LARS2: variants seen among roughly 807,000 people sequenced by gnomAD.
The protein encoded by LARS2 is leucine--tRNA ligase, mitochondrial.
LARS2 carries 81 observed loss-of-function variants against 116.6 expected under a neutral mutation model. The ratio of observed to expected loss-of-function variants is 0.69; its 90% CI spans 0.58 to 0.84. The LOEUF is 0.84. LARS2 is among the 40% of genes least tolerant of loss of function. LARS2 has a pLI of 0.00. For synonymous variants in LARS2, 396 were observed against 407.2 expected (o/e 0.97, Z 0.33); for missense variants, 968 against 1,114.5 (o/e 0.87, Z 1.87).
At chr3:45,428,096 C>T (rs865874705) in intron 6 of LARS2, among the ~76,000 whole-genome samples, 3 of 152,014 alleles carry the variant, frequency 2.0e-5, no homozygotes, top group Non-Finnish European at 2.9e-5. Context: ...GCTGGGATTA[C>T]AGGCGTGAGC....
At chr3:45,439,592 C>T (rs573631354) in intron 6 of LARS2, among the ~76,000 whole-genome samples, 2 of 150,420 alleles carry the variant, frequency 1.3e-5, no homozygotes, top group South Asian at 2.1e-4. Flanking sequence ...TCTGTTGCCA[C>T]GAAGGTGGGT....
chr3:45,394,038 C>G (rs1218293282), intron 2 of LARS2, among the ~76,000 whole-genome samples: 1 of 152,200 alleles, frequency 6.6e-6, no homozygotes, highest in Non-Finnish European at 1.5e-5. Context: ...CTAACGCCAA[C>G]TCAGCATGTG....
intron 7 of LARS2, among the ~76,000 whole-genome samples, chr3:45,447,572 A>C (rs932189018): frequency 6.6e-6 from 1 of 152,136 alleles, no homozygotes; most frequent in Admixed American, 6.5e-5. Context: ...TTGCTGTTCT[A>C]CTTACTGCCA....
At chr3:45,441,349 G>T (rs1698907164) in intron 6 of LARS2, among the ~76,000 whole-genome samples, 1 of 152,146 alleles carries the variant, frequency 6.6e-6, no homozygotes, top group Non-Finnish European at 1.5e-5. Flanking sequence ...TAAAGCCAAG[G>T]GGTGTACTTG....
rs139111439 is a variant in LARS2, at chr3:45,516,221, G to T, written c.1989G>T (p.Arg663=). 9.2e-4 allele frequency: 1,488 copies of T among 1,614,162 alleles called. 2 individuals are homozygous for T. Among genetic ancestry groups the T allele is most frequent in the Non-Finnish European group, 1.2e-3 (1,404 of 1,180,002 alleles). The change falls in exon 17 of 22, where the codon CGG becomes CGT. Residue 663 remains arginine (R), a synonymous_variant. Coordinates refer to ENST00000645846, the MANE Select transcript of LARS2 (RefSeq NM_015340.4). The stretch of plus-strand genomic sequence containing the variant: ...AGCAGTATGGGATCGACACGATTCG[G>T]CTCTACATCCTTTTTGCTGCCCCTC... ...VVEQYGIDTI[R]LYILFAAPPE... is the part of the protein sequence containing the mutation.
At chr3:45,410,428 T>C (rs1010361822) in intron 4 of LARS2, among the ~76,000 whole-genome samples, 1 of 151,720 alleles carries the variant, frequency 6.6e-6, no homozygotes, top group Non-Finnish European at 1.5e-5. Context: ...CAAGTGAAAA[T>C]TGTAGCCTAA....
chr3:45,417,132 A>G (rs1017994401), intron 4 of LARS2, among the ~76,000 whole-genome samples: 2 of 151,688 alleles, frequency 1.3e-5, no homozygotes, highest in Non-Finnish European at 2.9e-5. Flanking sequence ...AAGCCTATAC[A>G]TTATGTGTGT....
intron 17 of LARS2, among the ~76,000 whole-genome samples, chr3:45,516,633 A>T (rs1477379610): frequency 6.6e-6 from 1 of 152,126 alleles, no homozygotes; most frequent in African/African-American, 2.4e-5. Context: ...GTTTCCTTGG[A>T]GACAGACTGG....
chr3:45,417,489 A>G lies in LARS2; in HGVS notation c.371A>G (p.Asn124Ser), dbSNP rs776171893. Reference sequence around the variant, plus strand: ...TCCTCTTCTGGGTCCTAGGTCATCAACCCCATGGGATGGGATGCTTTTGGA... The same window carrying G: ...TCCTCTTCTGGGTCCTAGGTCATCAGCCCCATGGGATGGGATGCTTTTGGA... Reference protein sequence around the residue: ...FQKMRGMQVINPMGWDAFGLP... With the variant: ...FQKMRGMQVISPMGWDAFGLP... Residue 124 changes from asparagine (N) to serine (S), a missense_variant, in exon 5 of 22, where the codon AAC becomes AGC. Asn to Ser is a conservative substitution (Grantham distance 46). Transcript: ENST00000645846. The G allele has an allele frequency of 2.5e-6, 4 of 1,613,810 alleles. No individual in the cohort carries two copies. The highest frequency in any genetic ancestry group is 2.5e-6 in the Non-Finnish European group (3 of 1,179,706).
rs115259182 is a variant in LARS2 at position 45,460,795 on chromosome 3, C to T, written c.750+1909C>T. On this transcript the variant is annotated intron_variant, in intron 8 of 21. Coordinates refer to ENST00000645846, the MANE Select transcript of LARS2 (RefSeq NM_015340.4). ...TCAGCCAAGGGTATATAGTTGAGAC[C>T]CCCAAAAAGGCCATGTATTAGAGTA... Among the ~76,000 whole-genome samples the T allele has an allele frequency of 8.8e-3, 1,343 of 152,048 alleles. 16 individuals are homozygous for T. Among genetic ancestry groups the T allele is most frequent in the African/African-American group, 0.022 (927 of 41,438 alleles).
intron 6 of LARS2, among the ~76,000 whole-genome samples, chr3:45,442,381 A>C (rs897740207): frequency 2.0e-5 from 3 of 152,168 alleles, no homozygotes; most frequent in Admixed American, 6.5e-5. Flanking sequence ...TAGTTGTTCA[A>C]CAACTATTTT....
intron 3 of LARS2, among the ~76,000 whole-genome samples, chr3:45,396,915 A>T (rs1480859082): frequency 1.3e-5 from 2 of 152,248 alleles, no homozygotes; most frequent in Non-Finnish European, 2.9e-5. Context: ...AACTGATCCC[A>T]GAAGGCAAAA....
At chr3:45,390,958 T>A (rs1697936228) in intron 1 of LARS2, among the ~76,000 whole-genome samples, 2 of 152,162 alleles carry the variant, frequency 1.3e-5, no homozygotes, top group Admixed American at 1.3e-4. Context: ...ATTTTTAAAA[T>A]TCGATTTTTA....
intron 21 of LARS2, among the ~76,000 whole-genome samples, chr3:45,542,969 G>C (rs1282799018): frequency 6.6e-6 from 1 of 152,262 alleles, no homozygotes; most frequent in Admixed American, 6.5e-5. Context: ...CTGAGGGAGG[G>C]CATAACCCCA....
intron 19 of LARS2, among the ~76,000 whole-genome samples, chr3:45,521,300 G>C (rs972295966): frequency 6.6e-6 from 1 of 151,866 alleles, no homozygotes. Flanking sequence ...GCAAGACTCC[G>C]CCTCAAAAAC....
At chr3:45,531,369 A>AT (rs1337086471) in intron 20 of LARS2, among the ~76,000 whole-genome samples, 1 of 151,976 alleles carries the variant, frequency 6.6e-6, no homozygotes, top group Non-Finnish European at 1.5e-5. Context: ...AATCTTTTAA[A>AT]TTTTTTTAAA....
At chr3:45,425,027 A>G (rs1050941953) in intron 6 of LARS2, among the ~76,000 whole-genome samples, 9 of 151,806 alleles carry the variant, frequency 5.9e-5, no homozygotes, top group Non-Finnish European at 1.5e-5. Context: ...GTATTTTTAG[A>G]TTTATTATTA....
At chr3:45,529,638 G>A (rs971702997) in intron 20 of LARS2, among the ~76,000 whole-genome samples, 4 of 151,604 alleles carry the variant, frequency 2.6e-5, no homozygotes, top group Admixed American at 1.3e-4. Context: ...TGCTTGGTCA[G>A]AAGAGATACA....
chr3:45,544,522 A>G (rs969258602), intron 21 of LARS2, among the ~76,000 whole-genome samples: 4 of 152,228 alleles, frequency 2.6e-5, no homozygotes, highest in African/African-American at 2.4e-5. Flanking sequence ...ACCCAGGGCC[A>G]CGCTCTGCCC....
Sources: gnomAD v4.1 joint callset for allele counts (sites outside exome capture counted in the v4.1 genomes callset) on GRCh38, gnomAD v4.1.1 for gene constraint, MANE v1.5 for transcripts, NCBI Gene and HGNC (gene_info 2026-07-23, HGNC 2026-07-21) for gene names.